LEKR1: variants seen among roughly 807,000 people sequenced by gnomAD.
LEKR1 encodes leucine, glutamate and lysine rich 1, also known as protein LEKR1.
LEKR1 carries 59 observed loss-of-function variants against 72.4 expected under a neutral mutation model. That is an observed-to-expected ratio of 0.82 (90% CI 0.66 to 1.01). The LOEUF is 1.01. LEKR1 is among the 50% of genes least tolerant of loss of function. The probability of loss-of-function intolerance (pLI) is 0.00; values close to 1 mark genes in which losing one functional copy is unlikely to be tolerated. For synonymous variants in LEKR1, 257 were observed against 263.2 expected, an observed-to-expected ratio of 0.98 and a Z score of 0.23; for missense variants, 728 against 759.2, an observed-to-expected ratio of 0.96 and a Z score of 0.48.
chr3:156,966,888 A>C (rs1728658448), intron 6 of LEKR1, among the ~76,000 whole-genome samples: 1 of 152,208 alleles, frequency 6.6e-6, no homozygotes, highest in African/African-American at 2.4e-5. Flanking sequence ...CAGTAGGGGC[A>C]GACTGACACC....
chr3:156,853,911 CTTTTG>C (rs1715702674), intron 3 of LEKR1, among the ~76,000 whole-genome samples: 1 of 151,834 alleles, frequency 6.6e-6, no homozygotes, highest in Non-Finnish European at 1.5e-5. Flanking sequence ...GTCAGGGATT[CTTTTG>C]TTTGGTGTAT....
At chr3:157,030,949 C>T (rs1176228689) in intron 12 of LEKR1, among the ~76,000 whole-genome samples, 1 of 152,112 alleles carries the variant, frequency 6.6e-6, no homozygotes, top group Non-Finnish European at 1.5e-5. Context: ...AGACAGAAGC[C>T]ACAGTCTTTT....
At chr3:156,934,190 G>T (rs1473531418) in intron 5 of LEKR1, among the ~76,000 whole-genome samples, 1 of 152,068 alleles carries the variant, frequency 6.6e-6, no homozygotes, top group African/African-American at 2.4e-5. Flanking sequence ...TGTGTTTACT[G>T]CCAGTCTCCT....
chr3:156,864,859 T>G (rs1717138117), intron 3 of LEKR1, among the ~76,000 whole-genome samples: 1 of 152,006 alleles, frequency 6.6e-6, no homozygotes, highest in African/African-American at 2.4e-5. Flanking sequence ...CTCCACTTCC[T>G]CCTGCTATGT....
chr3:156,993,074 G>C lies in LEKR1; in HGVS notation c.906G>C (p.Gln302His), dbSNP rs749630004. The change falls in exon 9 of 13, where the codon CAG becomes CAC. Residue 302 changes from glutamine to histidine, a missense_variant and splice_region_variant. By Grantham distance (24) the Gln-to-His change is conservative. Coordinates refer to ENST00000356539, the MANE Select transcript of LEKR1 (RefSeq NM_001004316.3). ...GGGTGTTTTTCCTATTTCTTTTTAGGCATACTATGCTGCTTAAGGAAAAAG... is the reference window on the plus strand; with the variant it reads ...GGGTGTTTTTCCTATTTCTTTTTAGCCATACTATGCTGCTTAAGGAAAAAG... ...LKFESIISES[Q>H]HTMLLKEKED... The C allele has an allele frequency of 6.4e-7, 1 of 1,555,362 alleles. No individual in the cohort carries two copies. The highest frequency in any genetic ancestry group is 8.7e-7 in the Non-Finnish European group (1 of 1,147,116).
At chr3:157,001,327 A>G (rs1731996366) in intron 9 of LEKR1, among the ~76,000 whole-genome samples, 1 of 152,146 alleles carries the variant, frequency 6.6e-6, no homozygotes, top group Non-Finnish European at 1.5e-5. Flanking sequence ...GTTATCACAC[A>G]CTCACTTCTT....
At chr3:157,038,945 T>C (rs926242596) in intron 12 of LEKR1, among the ~76,000 whole-genome samples, 3 of 152,220 alleles carry the variant, frequency 2.0e-5, no homozygotes, top group African/African-American at 7.2e-5. Context: ...TACAGCATTT[T>C]TTTCTTTTCA....
At chr3:156,931,974 TA>T (rs1725268107) in intron 5 of LEKR1, among the ~76,000 whole-genome samples, 1 of 152,148 alleles carries the variant, frequency 6.6e-6, no homozygotes, top group African/African-American at 2.4e-5. Flanking sequence ...ATTCTGTAGG[TA>T]AATTTACTCA....
intron 12 of LEKR1, among the ~76,000 whole-genome samples, chr3:157,044,066 T>C (rs976916919): frequency 1.5e-4 from 23 of 152,214 alleles, no homozygotes; most frequent in African/African-American, 5.1e-4. Flanking sequence ...CTGTCCCTGG[T>C]GCTTTGTTAT....
At chr3:156,967,708 A>G (rs1352219359) in intron 6 of LEKR1, among the ~76,000 whole-genome samples, 1 of 152,234 alleles carries the variant, frequency 6.6e-6, no homozygotes, top group Non-Finnish European at 1.5e-5. Context: ...TCTGCAGGAT[A>G]TTATCCAGGA....
chr3:156,857,315 G>T (rs1188468642), intron 3 of LEKR1, among the ~76,000 whole-genome samples: 4 of 151,946 alleles, frequency 2.6e-5, no homozygotes, highest in Admixed American at 1.3e-4. Flanking sequence ...TCATGTATTT[G>T]CTTGCCTTCT....
At chr3:156,900,483 T>A (rs1721919092) in intron 3 of LEKR1, among the ~76,000 whole-genome samples, 1 of 152,200 alleles carries the variant, frequency 6.6e-6, no homozygotes, top group Non-Finnish European at 1.5e-5. Flanking sequence ...ACTAAGGTGA[T>A]TTTTGTGAAT....
chr3:156,829,652 C>T (rs1043012674), intron 2 of LEKR1, among the ~76,000 whole-genome samples: 3 of 152,190 alleles, frequency 2.0e-5, no homozygotes, highest in Admixed American at 1.3e-4. Flanking sequence ...GCATCAGAAA[C>T]GTCCATGTGT....
intron 3 of LEKR1, among the ~76,000 whole-genome samples, chr3:156,859,829 T>C (rs1426330310): frequency 6.6e-6 from 1 of 152,226 alleles, no homozygotes; most frequent in Non-Finnish European, 1.5e-5. Flanking sequence ...ACTGTTGGTG[T>C]TTGGCTGGAG....
chr3:156,859,630 C>T (rs888497716), intron 3 of LEKR1, among the ~76,000 whole-genome samples: 2 of 152,150 alleles, frequency 1.3e-5, no homozygotes, highest in East Asian at 3.8e-4. Context: ...ACGTTTTACT[C>T]TTGGTATTAT....
In LEKR1 at chr3:157,024,781, G is replaced by T; in HGVS notation, c.1225G>T (p.Glu409Ter). 1 of 1,606,824 alleles carries T rather than the reference G, an allele frequency of 6.2e-7. No homozygotes were observed. The highest frequency in any genetic ancestry group is 8.5e-7 in the Non-Finnish European group (1 of 1,178,340). The part of the protein sequence containing the change: ...KEKIEAELAK[E>*]RAQHLVEFEE... Reference sequence around the variant, plus strand: ...CTAGATTGAAGCAGAACTTGCCAAGGAAAGGGCCCAACACTTGGTTGAATT... The same window carrying T: ...CTAGATTGAAGCAGAACTTGCCAAGTAAAGGGCCCAACACTTGGTTGAATT... Residue 409 changes from glutamate (E) to a stop codon, truncating the protein, a stop_gained, in exon 11 of 13, where the codon GAA becomes TAA. Coordinates refer to ENST00000356539, the MANE Select transcript of LEKR1 (RefSeq NM_001004316.3). LOFTEE classifies it high-confidence loss of function.
rs1466666226 is a variant in LEKR1, at chr3:156,934,365, C to T, written c.559+6761C>T. Among the ~76,000 whole-genome samples, 3 of 152,156 alleles carry T rather than the reference C, an allele frequency of 2.0e-5. No individual in the cohort carries two copies. In the East Asian group the frequency reaches 5.8e-4, roughly 29 times the overall value. ...ACACCCACATTTTCATAGTCAGATT[C>T]CTGATAATATTTATATTAGGTTTTG... is the stretch of plus-strand genomic sequence containing the variant. On this transcript the variant is annotated intron_variant, in intron 5 of 12. Transcript: ENST00000356539.
At chr3:156,832,847 G>A (rs773392227) in intron 2 of LEKR1, among the ~76,000 whole-genome samples, 1 of 152,186 alleles carries the variant, frequency 6.6e-6, no homozygotes, top group African/African-American at 2.4e-5. Context: ...CTGAAACCAT[G>A]CCATTTCCAG....
chr3:157,028,068 A>G, intron 11 of LEKR1, 35 bp from the exon 12 acceptor site: 1 of 1,377,198 alleles, frequency 7.3e-7, no homozygotes, highest in Non-Finnish European at 9.9e-7. Flanking sequence ...CCTAGAAACT[A>G]TCGCCTACAA....
Sources: gnomAD v4.1 joint callset for allele counts (sites outside exome capture counted in the v4.1 genomes callset) on GRCh38, gnomAD v4.1.1 for gene constraint, MANE v1.5 for transcripts, NCBI Gene and HGNC (gene_info 2026-07-23, HGNC 2026-07-21) for gene names.